The following SRCAP variants were observed in gnomAD, a reference collection of about 807,000 sequenced individuals.
The protein encoded by SRCAP is Snf2 related CREBBP activator protein.
SRCAP carries 46 observed loss-of-function variants against 263.1 expected under a neutral mutation model. The observed-to-expected ratio is 0.17, with a 90% CI of 0.14 to 0.22. The LOEUF is 0.22. Among genes scored for constraint, SRCAP ranks in the 10% least tolerant of loss-of-function variants. The pLI, the probability that SRCAP is intolerant of heterozygous loss-of-function variation, is 1.00. For synonymous variants in SRCAP, 1,813 were observed against 1,662.1 expected (o/e 1.09, Z -2.21); for missense variants, 3,695 against 4,181.9 (o/e 0.88, Z 3.21).
At position 30,723,934 on chromosome 16, in the gene SRCAP, G is replaced by A. The variant is rs1033526411; in HGVS notation, c.4510G>A (p.Ala1504Thr). The A allele has an allele frequency of 1.2e-6, 2 of 1,614,124 alleles. No individual in the cohort carries two copies. Among genetic ancestry groups the A allele is most frequent in the Admixed American group, 3.3e-5 (2 of 60,022 alleles). Residue 1504 changes from alanine (A) to threonine (T), a missense_variant, in exon 25 of 34, where the codon GCC becomes ACC. This residue lies in a region of SRCAP where 1,347 missense variants were observed against 1,304.4 expected (regional missense o/e 1.03). Coordinates refer to ENST00000262518, the MANE Select transcript of SRCAP (RefSeq NM_006662.3). ...APSGASPSAS[A>T]LTLGLATAPS... ...ATCTGGTGCTTCCCCGTCAGCATCAGCCTTGACTCTAGGTTTGGCCACAGC... is the reference window on the plus strand; with the variant it reads ...ATCTGGTGCTTCCCCGTCAGCATCAACCTTGACTCTAGGTTTGGCCACAGC...
rs781042610 is a variant in SRCAP, at chr16:30,738,646, C to T, written c.8606C>T (p.Ser2869Phe). The T allele has an allele frequency of 6.2e-7, 1 of 1,611,556 alleles. No homozygotes were observed. The highest frequency in any genetic ancestry group is 1.7e-5 in the Admixed American group (1 of 59,536). The change falls in exon 34 of 34, where the codon TCT becomes TTT. Residue 2869 changes from serine (S) to phenylalanine (F), a missense_variant. Coordinates refer to ENST00000262518, the MANE Select transcript of SRCAP (RefSeq NM_006662.3). The part of the protein sequence containing the change: ...RRGRPPKKNR[S>F]PADAGRGVDE... The stretch of plus-strand genomic sequence containing the variant: ...GGGAGGCCCCCCAAGAAGAACAGGT[C>T]TCCAGCAGATGCTGGGAGAGGTGTG...
Position 30,741,083 on chromosome 16 carries a change from A to T in SRCAP, c.*1350A>T, listed in dbSNP as rs548562535. ...TGAGGTCATTTAGACTCAGTGTACT[A>T]GTCTGATTGTGTTATGTGGCCTGGG... On this transcript the variant is annotated 3_prime_UTR_variant, in exon 34 of 34. Transcript: ENST00000262518. The T allele has an allele frequency of 6.6e-6, 1 of 152,384 alleles. No individual in the cohort carries two copies. The highest frequency in any genetic ancestry group is 2.1e-4 in the South Asian group (1 of 4,822). 9.4% of individuals were successfully genotyped at this position (152,384 alleles called of 1,614,324 possible).
At chr16:30,731,029 A>G (rs1246508250) in intron 27 of SRCAP, among the ~76,000 whole-genome samples, 1 of 152,040 alleles carries the variant, frequency 6.6e-6, no homozygotes, top group African/African-American at 2.4e-5. Context: ...TTATCTTTTT[A>G]TTCTCATGCT....
intron 30 of SRCAP, 140 bp downstream of exon 30, chr16:30,734,148 G>C (rs2151298565): frequency 1.3e-6 from 1 of 756,208 alleles, no homozygotes; most frequent in Non-Finnish European, 2.1e-6. Context: ...TTGGAGACCA[G>C]GCTGGCCAAC....
Position 30,711,691 on chromosome 16 carries a change from A to C in SRCAP, c.1439A>C (p.Glu480Ala), listed in dbSNP as rs1246538344. ...GCTAATAGCTCTGACTGTGAACCAG[A>C]GGGGCCCGTGGAAGCGGAAGAGCCT... ...VDANSSDCEP[E>A]GPVEAEEPPQ... Residue 480 changes from glutamate to alanine, a missense_variant, in exon 11 of 34, where the codon GAG becomes GCG. Transcript: ENST00000262518. 11 of 1,613,854 alleles carry C rather than the reference A, an allele frequency of 6.8e-6. No homozygotes were observed. The highest frequency in any genetic ancestry group is 7.6e-6 in the Non-Finnish European group (9 of 1,179,988).
rs1250881267 is a variant in SRCAP at position 30,723,096 on chromosome 16, G to T, written c.4026G>T (p.Leu1342Phe). 6.2e-7 allele frequency: 1 copy of T among 1,613,876 alleles called. No individual in the cohort carries two copies. The highest frequency in any genetic ancestry group is 1.3e-5 in the African/African-American group (1 of 74,878). Residue 1342 changes from leucine to phenylalanine, a missense_variant, in exon 24 of 34, where the codon TTG becomes TTT. Transcript: ENST00000262518. Reference sequence around the variant, plus strand: ...CGAGCTCTGGGCTTCCAGCTGTGTTGAATCCACGCCCCACGTTAACCCCTG... The same window carrying T: ...CGAGCTCTGGGCTTCCAGCTGTGTTTAATCCACGCCCCACGTTAACCCCTG... The part of the protein sequence containing the change: ...RPPSSGLPAV[L>F]NPRPTLTPGR...
chr16:30,707,767 C>A (rs2052843629), intron 6 of SRCAP, 55 bp downstream of exon 6: 1 of 1,597,610 alleles, frequency 6.3e-7, no homozygotes, highest in Non-Finnish European at 8.6e-7. Context: ...TGGTAGATGG[C>A]GTGGTAGTAG....
chr16:30,709,356 T>C (rs2052863464), intron 6 of SRCAP, among the ~76,000 whole-genome samples, 157 bp from the exon 7 acceptor site: 1 of 152,152 alleles, frequency 6.6e-6, no homozygotes, highest in Non-Finnish European at 1.5e-5. Context: ...CCCTTTGTGC[T>C]TCCTTTAGAC....
At chr16:30,713,900 GTTT>G (rs34824568) in intron 16 of SRCAP, among the ~76,000 whole-genome samples, 189 bp downstream of exon 16, 2 of 138,986 alleles carry the variant, frequency 1.4e-5, no homozygotes, top group African/African-American at 5.3e-5. Context: ...CATCAATTCT[GTTT>G]TTTTTTTTTT....
Position 30,736,211 on chromosome 16 carries a change from G to T in SRCAP, c.6741G>T (p.Arg2247=). ...ATACACCCTGGTAGGCATTGTGTCG[G>T]GCAGAAGATGAAGAGGATATCCGTG... ...QTHILEQALC[R]AEDEEDIRAA... is the part of the protein sequence containing the mutation. The change falls in exon 32 of 34, where the codon CGG becomes CGT. Residue 2247 remains arginine (R), a synonymous_variant. Transcript: ENST00000262518. 1 of 1,614,010 alleles carries T rather than the reference G, an allele frequency of 6.2e-7. No individual in the cohort carries two copies. The highest frequency in any genetic ancestry group is 8.5e-7 in the Non-Finnish European group (1 of 1,180,020).
intron 14 of SRCAP, 87 bp downstream of exon 14, chr16:30,712,902 CT>C: frequency 6.7e-7 from 1 of 1,484,468 alleles, no homozygotes; most frequent in Non-Finnish European, 9.0e-7. Context: ...TTTCTCTCCT[CT>C]TTCTTTTTTA....
rs766151343 is a variant in SRCAP, at chr16:30,707,265, C to T, written c.389C>T (p.Pro130Leu). 3.7e-6 allele frequency: 6 copies of T among 1,614,130 alleles called. No individual in the cohort carries two copies. Among genetic ancestry groups the T allele is most frequent in the Non-Finnish European group, 5.1e-6 (6 of 1,180,034 alleles). Residue 130 changes from proline (P) to leucine (L), a missense_variant, in exon 5 of 34, where the codon CCC (proline) becomes CTC (leucine). Transcript: ENST00000262518. ...AAGAGGCTGCCTAAGGTGCCAGAGC[C>T]CCCTCGCCCCAAAGGTCACTGGGAC... ...SLKRLPKVPE[P>L]PRPKGHWDYL...
chr16:30,731,152 A>G (rs1001561791), intron 27 of SRCAP, among the ~76,000 whole-genome samples: 1 of 152,202 alleles, frequency 6.6e-6, no homozygotes, highest in African/African-American at 2.4e-5. Flanking sequence ...TTCTGGGAAC[A>G]AAAGACCTCC....
intron 4 of SRCAP, among the ~76,000 whole-genome samples, chr16:30,706,673 T>G (rs1156769249): frequency 6.6e-6 from 1 of 152,166 alleles, no homozygotes; most frequent in Non-Finnish European, 1.5e-5. Context: ...AAAACAACAG[T>G]GTGTCAGTTG....
At chr16:30,707,130 T>G in intron 4 of SRCAP, 53 bp from the exon 5 acceptor site, 1,309 of 1,546,316 alleles carry the variant, frequency 8.5e-4, no homozygotes, top group Non-Finnish European at 1.1e-3. Flanking sequence ...GCCGTGGCAG[T>G]GAGATGGAGT....
rs569504443 is a variant in SRCAP at position 30,738,423 on chromosome 16, A to C, written c.8383A>C (p.Ser2795Arg). Residue 2795 changes from serine to arginine, a missense_variant, in exon 34 of 34, where the codon AGC becomes CGC. Around this residue, in one of 12 missense-constraint regions of SRCAP, gnomAD observed 1,207 missense variants for 1,142.9 expected, o/e 1.06. Transcript: ENST00000262518. ...SASPGSPSVR[S>R]MSGPESSPPI... is the part of the protein sequence containing the mutation. ...CAGCCCGGGAAGCCCGTCTGTCCGCAGCATGTCAGGGCCAGAATCCTCCCC... is the reference window on the plus strand; with the variant it reads ...CAGCCCGGGAAGCCCGTCTGTCCGCCGCATGTCAGGGCCAGAATCCTCCCC... 2 of 1,553,982 alleles carry C rather than the reference A, an allele frequency of 1.3e-6. No individual in the cohort carries two copies. The highest frequency in any genetic ancestry group is 2.5e-5 in the South Asian group (2 of 81,316).
intron 1 of SRCAP, among the ~76,000 whole-genome samples, chr16:30,699,565 T>C (rs1567237800): frequency 6.6e-6 from 1 of 152,182 alleles, no homozygotes; most frequent in Non-Finnish European, 1.5e-5. Context: ...CTCTCACTTC[T>C]GCGTTCAGCC....
chr16:30,707,412 T>C (rs1567240867), intron 5 of SRCAP, 44 bp downstream of exon 5: 2 of 1,607,772 alleles, frequency 1.2e-6, no homozygotes, highest in Non-Finnish European at 1.7e-6. Flanking sequence ...TTTTCAGGTC[T>C]GTTCCTTCCC....
intron 21 of SRCAP, 116 bp from the exon 22 acceptor site, chr16:30,722,006 G>C: frequency 7.7e-7 from 1 of 1,302,862 alleles, no homozygotes; most frequent in East Asian, 2.4e-5. Flanking sequence ...GTAAATTGTG[G>C]GAAGGGCTTA....
Sources: allele counts gnomAD v4.1 joint callset (sites outside exome capture counted in the v4.1 genomes callset), GRCh38; gene constraint gnomAD v4.1.1; regional missense constraint gnomAD v4.1.1; transcripts MANE v1.5; gene names NCBI Gene and HGNC (gene_info 2026-07-23, HGNC 2026-07-21).